The following STKLD1 variants were observed in gnomAD, a reference collection of about 807,000 sequenced individuals.
STKLD1 encodes the protein serine/threonine kinase like domain containing 1.
In STKLD1, 79 loss-of-function variants were observed where a neutral mutation model predicts 80.4. The observed-to-expected ratio is 0.98, with a 90% CI of 0.82 to 1.19. The LOEUF (loss-of-function observed/expected upper bound fraction) is 1.19, where lower values mean the gene tolerates loss of function less well. Ranked by LOEUF, STKLD1 falls within the 50% of genes most tolerant of loss-of-function variation. The pLI is 0.00. For synonymous variants in STKLD1, 393 were observed against 357.6 expected, an observed-to-expected ratio of 1.10 and a Z score of -1.12; for missense variants, 841 against 856.0, an observed-to-expected ratio of 0.98 and a Z score of 0.22.
Position 133,390,918 on chromosome 9 carries a change from C to G in STKLD1, c.583+122C>G. 1 of 761,404 alleles carries G rather than the reference C, an allele frequency of 1.3e-6. No individual in the cohort carries two copies. 47.2% of individuals were successfully genotyped at this position (761,404 alleles called of 1,614,324 possible). A position where few individuals can be genotyped will look rare whatever the true frequency, so the allele number is the denominator to read the frequency against. On this transcript the variant is annotated intron_variant, in intron 7 of 17. Coordinates refer to ENST00000371957, the MANE Select transcript of STKLD1 (RefSeq NM_153710.5). The surrounding 1 kb of genome is among the most constrained non-coding windows in gnomAD (Gnocchi z 5.1). ...CAGCTGTTTGCTCAGAAGGTCCCCA[C>G]AAAGCCCTGGCCTTGTGTAAACTCC... is the stretch of plus-strand genomic sequence containing the variant.
chr9:133,393,150 A>G (rs1352233610), intron 7 of STKLD1, among the ~76,000 whole-genome samples: 3 of 96,732 alleles, frequency 3.1e-5, no homozygotes, highest in South Asian at 4.1e-4. Flanking sequence ...TGAATGAGTG[A>G]ATGAGTGGGT....
rs112042362 is a variant in STKLD1, at chr9:133,400,270, C to T, written c.1082-143C>T. 2.0e-4 allele frequency: 132 copies of T among 652,296 alleles called. 1 individual carries two copies. The highest frequency in any genetic ancestry group is 1.9e-3 in the Middle Eastern group (6 of 3,098). The allele number at this position is 652,296 out of a possible 1,614,324, so 40.4% of individuals were successfully genotyped here. ...CATGGCATGCACTCCATGGACCTAG[C>T]GCTAATCCTCATTGTCCTTCCCCCT... On this transcript the variant is annotated intron_variant, in intron 11 of 17. Coordinates refer to ENST00000371957, the MANE Select transcript of STKLD1 (RefSeq NM_153710.5).
In STKLD1 at chr9:133,389,334, C is replaced by T. The variant is rs2130283810; in HGVS notation, c.397-192C>T. ...GGAAACTCAGAGTCCTTCTGGCTGC[C>T]GCCGCGGCTTTACCATCTGGAGAGC... is the stretch of plus-strand genomic sequence containing the variant. On this transcript the variant is annotated intron_variant, in intron 5 of 17. Coordinates refer to ENST00000371957, the MANE Select transcript of STKLD1 (RefSeq NM_153710.5). The surrounding 1 kb of genome is among the most constrained non-coding windows in gnomAD (Gnocchi z 6.4). 3.2e-5 allele frequency: 32 copies of T among 985,322 alleles called. No individual in the cohort carries two copies. The highest frequency in any genetic ancestry group is 1.8e-4 in the Admixed American group (3 of 16,262). The allele number at this position is 985,322 out of a possible 1,614,324, so 61.0% of individuals were successfully genotyped here.
At position 133,402,863 on chromosome 9, in the gene STKLD1, C is replaced by G; in HGVS notation, c.1340-15C>G. ...AGGGAGGGGCCCTGGGGCCCTCATTCTGGCTCACCCACAGAGTCAGAGTCA... is the reference window on the plus strand; with the variant it reads ...AGGGAGGGGCCCTGGGGCCCTCATTGTGGCTCACCCACAGAGTCAGAGTCA... On this transcript the variant is annotated splice_polypyrimidine_tract_variant and intron_variant, in intron 13 of 17. Transcript: ENST00000371957. The G allele has an allele frequency of 6.3e-7, 1 of 1,593,876 alleles. No individual in the cohort carries two copies. Among genetic ancestry groups the G allele is most frequent in the South Asian group, 1.1e-5 (1 of 87,772 alleles).
chr9:133,400,954 G>T (rs1838688633), intron 12 of STKLD1, among the ~76,000 whole-genome samples: 1 of 152,172 alleles, frequency 6.6e-6, no homozygotes, highest in East Asian at 1.9e-4. Flanking sequence ...AGGTCCTCTG[G>T]AGTGACCCTC....
rs1554778566 is a variant in STKLD1, at chr9:133,405,457, A to G, written c.*36A>G. 2 of 1,558,834 alleles carry G rather than the reference A, an allele frequency of 1.3e-6. No individual in the cohort carries two copies. The highest frequency in any genetic ancestry group is 4.5e-5 in the East Asian group (2 of 43,992). On this transcript the variant is annotated 3_prime_UTR_variant, in exon 18 of 18. Transcript: ENST00000371957. ...GGAACTGACCTTGATCTCCACGTGT[A>G]TAGTTTTCAAGACTGCTCTCCTGCC... is the stretch of plus-strand genomic sequence containing the variant.
At chr9:133,382,514 A>G (rs2130268697) in intron 2 of STKLD1, among the ~76,000 whole-genome samples, 1 of 149,460 alleles carries the variant, frequency 6.7e-6, no homozygotes, top group South Asian at 2.1e-4. Flanking sequence ...GGCAGTGATG[A>G]TGGTGATGAT....
In STKLD1 at chr9:133,383,871, G is replaced by A; in HGVS notation, c.190G>A (p.Asp64Asn). 1 of 1,613,982 alleles carries A rather than the reference G, an allele frequency of 6.2e-7. No homozygotes were observed. The highest frequency in any genetic ancestry group is 8.5e-7 in the Non-Finnish European group (1 of 1,179,956). Residue 64 changes from aspartate to asparagine, a missense_variant, in exon 3 of 18, where the codon GAC becomes AAC. Physicochemically the swap from Asp to Asn is conservative, Grantham distance 23. Transcript: ENST00000371957. ...HVIKQVECMD[D>N]HYASQALEEL... ...GCCCTTGCAGGTGGAATGCATGGATGACCATTACGCCAGTCAGGCCCTGGA... is the reference window on the plus strand; with the variant it reads ...GCCCTTGCAGGTGGAATGCATGGATAACCATTACGCCAGTCAGGCCCTGGA...
chr9:133,387,639 G>A, intron 5 of STKLD1, 91 bp downstream of exon 5: 1 of 960,464 alleles, frequency 1.0e-6, no homozygotes, highest in Non-Finnish European at 1.7e-6. Context: ...GGGAGGGCAG[G>A]CACCATGGAG....
chr9:133,376,402 C>T lies in STKLD1; in HGVS notation c.-72C>T, dbSNP rs1408763640. On this transcript the variant is annotated 5_prime_UTR_variant, in exon 1 of 18. Transcript: ENST00000371957. ...GGGCGCCGTTCGGGCGGGGAGGATCCCGCGGGTCCCACTGACCCACGCGGG... is the reference window on the plus strand; with the variant it reads ...GGGCGCCGTTCGGGCGGGGAGGATCTCGCGGGTCCCACTGACCCACGCGGG... The T allele has an allele frequency of 1.4e-6, 2 of 1,459,778 alleles. No individual in the cohort carries two copies. Among genetic ancestry groups the T allele is most frequent in the Admixed American group, 2.9e-5 (1 of 34,238 alleles). 90.4% of individuals were successfully genotyped at this position (1,459,778 alleles called of 1,614,324 possible).
intron 11 of STKLD1, among the ~76,000 whole-genome samples, chr9:133,398,740 C>T (rs921795946): frequency 2.0e-5 from 3 of 152,238 alleles, no homozygotes; most frequent in African/African-American, 7.2e-5. Flanking sequence ...GCTTGCACCA[C>T]CGCACTCCAG....
intron 13 of STKLD1, 72 bp downstream of exon 13, chr9:133,401,950 GGT>G: frequency 6.3e-6 from 10 of 1,578,672 alleles, no homozygotes; most frequent in Non-Finnish European, 8.6e-6. Context: ...TGGAAGGGTT[GGT>G]TTGGGGTATA....
rs1838246566 is a variant in STKLD1 at position 133,385,603 on chromosome 9, C to T, written c.220-14C>T. The T allele has an allele frequency of 6.2e-7, 1 of 1,612,996 alleles. No individual in the cohort carries two copies. The highest frequency in any genetic ancestry group is 8.5e-7 in the Non-Finnish European group (1 of 1,179,742). On this transcript the variant is annotated splice_polypyrimidine_tract_variant and intron_variant, in intron 3 of 17. Transcript: ENST00000371957. This position sits in a 1 kb window ranked among gnomAD's most constrained non-coding sequence, Gnocchi z 4.9. ...GGCACTGACTTCTCCGTTTCCTCTG[C>T]TCTATCCTGGCAGCTGATGCCACTG...
At position 133,389,725 on chromosome 9, in the gene STKLD1, A is replaced by C; in HGVS notation, c.467+129A>C. The C allele has an allele frequency of 6.9e-7, 1 of 1,447,736 alleles. No homozygotes were observed. Among genetic ancestry groups the C allele is most frequent in the Non-Finnish European group, 9.3e-7 (1 of 1,075,460 alleles). The allele number at this position is 1,447,736 out of a possible 1,614,324, so 89.7% of individuals were successfully genotyped here. ...GGTGCACCGGGCCAGTGCAGCCAGG[A>C]TAGGATGGGACCTTACAGAGCTCCT... On this transcript the variant is annotated intron_variant, in intron 6 of 17. Transcript: ENST00000371957. This position sits in a 1 kb window ranked among gnomAD's most constrained non-coding sequence, Gnocchi z 6.4.
chr9:133,389,179 C>T lies in STKLD1; in HGVS notation c.397-347C>T. ...AGGCACTGAAGGCTTCCACCTCTCC[C>T]ATACCCGCAAGGCCGATCTGCCTTC... On this transcript the variant is annotated intron_variant, in intron 5 of 17. Transcript: ENST00000371957. This position sits in a 1 kb window ranked among gnomAD's most constrained non-coding sequence, Gnocchi z 6.4. 2.0e-6 allele frequency: 2 copies of T among 985,432 alleles called. No individual in the cohort carries two copies. Among genetic ancestry groups the T allele is most frequent in the Non-Finnish European group, 1.2e-6 (1 of 829,932 alleles). The allele number at this position is 985,432 out of a possible 1,614,324, so 61.0% of individuals were successfully genotyped here.
chr9:133,383,519 G>C (rs1190009740), intron 2 of STKLD1, among the ~76,000 whole-genome samples: 1 of 106,214 alleles, frequency 9.4e-6, no homozygotes, highest in East Asian at 2.6e-4. Context: ...TGATGGTGAT[G>C]ATGGCAGTGA....
At chr9:133,383,232 T>TGGTGGTG (rs1838182789) in intron 2 of STKLD1, among the ~76,000 whole-genome samples, 1 of 145,756 alleles carries the variant, frequency 6.9e-6, no homozygotes, top group Non-Finnish European at 1.5e-5. Context: ...ATGGTGATGA[T>TGGTGGTG]AGTGATGATG....
In STKLD1 at chr9:133,385,133, C is replaced by A. The variant is rs1838235811; in HGVS notation, c.220-484C>A. On this transcript the variant is annotated intron_variant, in intron 3 of 17. Transcript: ENST00000371957. The surrounding 1 kb of genome is among the most constrained non-coding windows in gnomAD (Gnocchi z 4.9). Reference sequence around the variant, plus strand: ...CCTGCTTTCATGCCCAACCTTCCACCCCAAGCAGTTGTCTGTCTGGCTCCA... The same window carrying A: ...CCTGCTTTCATGCCCAACCTTCCACACCAAGCAGTTGTCTGTCTGGCTCCA... Among the ~76,000 whole-genome samples the A allele has an allele frequency of 1.3e-5, 2 of 152,236 alleles. No homozygotes were observed. Among genetic ancestry groups the A allele is most frequent in the East Asian group, 3.8e-4 (2 of 5,196 alleles).
chr9:133,382,892 GATGAT>G (rs1838173767), intron 2 of STKLD1, among the ~76,000 whole-genome samples: 1 of 145,792 alleles, frequency 6.9e-6, no homozygotes, highest in Non-Finnish European at 1.5e-5. Context: ...TAATGATGGT[GATGAT>G]GTTGGTGATG....
Sources: allele counts gnomAD v4.1 joint callset (sites outside exome capture counted in the v4.1 genomes callset), GRCh38; gene constraint gnomAD v4.1.1; non-coding constraint Gnocchi (gnomAD v3.1); transcripts MANE v1.5; gene names NCBI Gene and HGNC (gene_info 2026-07-23, HGNC 2026-07-21).